Variants in ITFG1 observed in about 807,000 individuals in gnomAD.
ITFG1 encodes integrin alpha FG-GAP repeat containing 1.
In ITFG1, 34 loss-of-function variants were observed where a neutral mutation model predicts 81.8. The observed-to-expected ratio is 0.42, with a 90% CI of 0.32 to 0.55. ITFG1 has a LOEUF of 0.55. Ranked by LOEUF, ITFG1 falls within the 20% of genes least tolerant of loss-of-function variation. The pLI, the probability that ITFG1 is intolerant of heterozygous loss-of-function variation, is 0.17. For synonymous variants in ITFG1, 285 were observed against 270.6 expected (o/e 1.05, Z -0.52); for missense variants, 672 against 755.4 (o/e 0.89, Z 1.29).
intron 7 of ITFG1, among the ~76,000 whole-genome samples, chr16:47,366,077 C>T (rs1055267621): frequency 2.6e-5 from 4 of 152,140 alleles, no homozygotes; most frequent in African/African-American, 9.7e-5. Context: ...ATGTGGTATG[C>T]TTTCCTTGCT....
At chr16:47,383,247 G>GC (rs1567481233) in intron 6 of ITFG1, among the ~76,000 whole-genome samples, 1 of 152,140 alleles carries the variant, frequency 6.6e-6, no homozygotes, top group Non-Finnish European at 1.5e-5. Context: ...CAGGACCCTG[G>GC]CATCAATAAT....
At chr16:47,367,821 T>C (rs1411278092) in intron 7 of ITFG1, among the ~76,000 whole-genome samples, 2 of 152,158 alleles carry the variant, frequency 1.3e-5, no homozygotes, top group African/African-American at 2.4e-5. Flanking sequence ...ACATCTTATT[T>C]AGTAAGTGTA....
chr16:47,405,886 T>G (rs932929690), intron 6 of ITFG1, among the ~76,000 whole-genome samples: 12 of 152,178 alleles, frequency 7.9e-5, no homozygotes, highest in Admixed American at 1.3e-4. Context: ...GTTCTAATAA[T>G]AGATACTTAT....
intron 10 of ITFG1, among the ~76,000 whole-genome samples, chr16:47,294,453 G>A (rs1358621178): frequency 6.6e-6 from 1 of 152,018 alleles, no homozygotes; most frequent in African/African-American, 2.4e-5. Flanking sequence ...GGGCATTATG[G>A]TCATTTTAAT....
intron 5 of ITFG1, among the ~76,000 whole-genome samples, chr16:47,436,369 AAAC>A (rs1174573394): frequency 9.8e-5 from 15 of 152,334 alleles, no homozygotes; most frequent in Non-Finnish European, 2.2e-4. Flanking sequence ...GCGTTTAAAA[AAAC>A]TCCCTTTGAA....
At chr16:47,351,373 G>C (rs141868885) in intron 8 of ITFG1, among the ~76,000 whole-genome samples, 3,519 of 152,154 alleles carry the variant, frequency 0.023, 137 homozygotes, top group African/African-American at 0.079. Context: ...TCTCAGGATA[G>C]AAAATCAATG....
intron 6 of ITFG1, among the ~76,000 whole-genome samples, chr16:47,384,890 C>A (rs1304170201): frequency 6.6e-6 from 1 of 152,166 alleles, no homozygotes; most frequent in East Asian, 1.9e-4. Context: ...CCAGCCTGGC[C>A]AATGTGGTGA....
chr16:47,162,549 A>C lies in ITFG1; in HGVS notation c.1569T>G (p.Ser523=). ...ATGAATTTTTACTCACTTTTTCTCC[A>C]GATGGACGGGGAATACCAACGTAGA... is the stretch of plus-strand genomic sequence containing the variant. ...DHLYVGIPRP[S]GEKSIRKQEW... is the part of the protein sequence containing the mutation. The change falls in exon 15 of 18, where the codon TCT becomes TCG. Residue 523 remains serine, a synonymous_variant. Transcript: ENST00000320640. 1 of 1,601,576 alleles carries C rather than the reference A, an allele frequency of 6.2e-7. No individual in the cohort carries two copies. The highest frequency in any genetic ancestry group is 8.5e-7 in the Non-Finnish European group (1 of 1,173,894).
chr16:47,341,591 C>A (rs1308117684), intron 8 of ITFG1, among the ~76,000 whole-genome samples: 2 of 151,198 alleles, frequency 1.3e-5, no homozygotes, highest in African/African-American at 4.9e-5. Context: ...GTCCAAAGAG[C>A]AAAGATGAGG....
chr16:47,373,676 T>A (rs1231611242), intron 7 of ITFG1, among the ~76,000 whole-genome samples: 1 of 152,168 alleles, frequency 6.6e-6, no homozygotes, highest in Non-Finnish European at 1.5e-5. Context: ...GTATATCTCA[T>A]CATACCAGCC....
intron 5 of ITFG1, among the ~76,000 whole-genome samples, chr16:47,432,506 C>T (rs2151610898): frequency 6.6e-6 from 1 of 152,270 alleles, no homozygotes; most frequent in East Asian, 1.9e-4. Flanking sequence ...TTTCCAATAG[C>T]CTTCTACACA....
chr16:47,251,953 G>C lies in ITFG1; in HGVS notation c.1330+6679C>G, dbSNP rs764998012. Reference sequence around the variant, plus strand: ...GAAAGTGAAACTGTGGATAAGTGGGGACTACGCTATATGCAAGAAGAAAAT... The same window carrying C: ...GAAAGTGAAACTGTGGATAAGTGGGCACTACGCTATATGCAAGAAGAAAAT... On this transcript the variant is annotated intron_variant, in intron 12 of 17. Transcript: ENST00000320640. Among the ~76,000 whole-genome samples, 15 of 152,338 alleles carry C rather than the reference G, an allele frequency of 9.8e-5. No homozygotes were observed. The South Asian group carries it at 1.0e-3, about 11-fold the overall frequency.
intron 14 of ITFG1, among the ~76,000 whole-genome samples, chr16:47,213,853 T>C (rs986262007): frequency 3.3e-5 from 5 of 152,196 alleles, no homozygotes; most frequent in Non-Finnish European, 5.9e-5. Context: ...TCCTTCATAA[T>C]ATCTTTATAA....
intron 5 of ITFG1, among the ~76,000 whole-genome samples, chr16:47,431,847 T>C (rs1420908326): frequency 6.6e-6 from 1 of 152,190 alleles, no homozygotes; most frequent in Non-Finnish European, 1.5e-5. Flanking sequence ...GTAGTACTTC[T>C]ATCAACTATA....
At chr16:47,234,363 A>G (rs191770562) in intron 13 of ITFG1, among the ~76,000 whole-genome samples, 5 of 152,340 alleles carry the variant, frequency 3.3e-5, no homozygotes, top group Non-Finnish European at 5.9e-5. Context: ...GAATGCCTTG[A>G]TGGACTCATT....
chr16:47,217,122 T>G (rs1965634378), intron 14 of ITFG1, among the ~76,000 whole-genome samples: 1 of 147,896 alleles, frequency 6.8e-6, no homozygotes, highest in Admixed American at 6.9e-5. Flanking sequence ...TATGGAGAGA[T>G]GTACACAATG....
In ITFG1 at chr16:47,278,444, G is replaced by A. The variant is rs780693201; in HGVS notation, c.1071-17749C>T. 3.2e-4 allele frequency among the ~76,000 whole-genome samples: 48 copies of A among 152,226 alleles called. No homozygotes were observed. The Middle Eastern group carries it at 0.017, about 54-fold the overall frequency. ...AGTCTAGGGCAGGAACAGAAGGGGC[G>A]GCTGCTGCTACCTCGCTCCACATTT... On this transcript the variant is annotated intron_variant, in intron 10 of 17. Transcript: ENST00000320640.
At chr16:47,336,395 T>C (rs1967704088) in intron 8 of ITFG1, among the ~76,000 whole-genome samples, 1 of 152,230 alleles carries the variant, frequency 6.6e-6, no homozygotes, top group African/African-American at 2.4e-5. Flanking sequence ...GTAGCAGTGC[T>C]GAAGCAGTGA....
At chr16:47,174,336 T>G (rs1964996363) in intron 14 of ITFG1, among the ~76,000 whole-genome samples, 1 of 152,092 alleles carries the variant, frequency 6.6e-6, no homozygotes, top group African/African-American at 2.4e-5. Flanking sequence ...TGACATCTAT[T>G]TGTCAAAAAT....
Sources: allele counts gnomAD v4.1 joint callset (sites outside exome capture counted in the v4.1 genomes callset), GRCh38; gene constraint gnomAD v4.1.1; transcripts MANE v1.5; gene names NCBI Gene and HGNC (gene_info 2026-07-23, HGNC 2026-07-21).